MN1: variants seen among roughly 807,000 people sequenced by gnomAD.
MN1 encodes the protein MN1 proto-oncogene, transcriptional regulator, also known as transcriptional activator MN1.
MN1 carries 19 observed loss-of-function variants against 86.9 expected under a neutral mutation model. That is an observed-to-expected ratio of 0.22 (90% CI 0.15 to 0.32). The LOEUF (loss-of-function observed/expected upper bound fraction) is 0.32. MN1 is among the 10% of genes least tolerant of loss of function. MN1 has a pLI of 1.00. For synonymous variants in MN1, 928 were observed against 849.6 expected, an observed-to-expected ratio of 1.09 and a Z score of -1.60; for missense variants, 1,841 against 1,862.0, an observed-to-expected ratio of 0.99 and a Z score of 0.21.
chr22:27,799,291 C>T lies in MN1; in HGVS notation c.1253G>A (p.Ser418Asn). ...EYPIHRLENR[S>N]MHPYSEPVFS... ...AACAGGCTCGGAATAAGGGTGCATG[C>T]TCCGGTTCTCCAGCCGGTGGATGGG... Residue 418 changes from serine to asparagine, a missense_variant, in exon 1 of 2, where the codon AGC becomes AAC. Coordinates refer to ENST00000302326, the MANE Select transcript of MN1 (RefSeq NM_002430.3). The T allele has an allele frequency of 6.3e-7, 1 of 1,587,222 alleles. No individual in the cohort carries two copies. Among genetic ancestry groups the T allele is most frequent in the Non-Finnish European group, 8.6e-7 (1 of 1,167,106 alleles).
At chr22:27,796,732 G>A in intron 1 of MN1, 31 bp downstream of exon 1, 4 of 1,551,150 alleles carry the variant, frequency 2.6e-6, no homozygotes, top group South Asian at 1.2e-5. Flanking sequence ...GGGTCACCCG[G>A]GAAGTGAGAG....
At position 27,748,280 on chromosome 22, in the gene MN1, C is replaced by T. The variant is rs1932715331; in HGVS notation, c.*2635G>A. ...CCCACCCACAAATATACCACAGTCA[C>T]CATTAACGTCATATTTATTGTTATT... On this transcript the variant is annotated 3_prime_UTR_variant, in exon 2 of 2. Transcript: ENST00000302326. 2 of 171,192 alleles carry T rather than the reference C, an allele frequency of 1.2e-5. No homozygotes were observed. Among genetic ancestry groups the T allele is most frequent in the African/African-American group, 4.8e-5 (2 of 41,916 alleles). 10.6% of individuals were successfully genotyped at this position (171,192 alleles called of 1,614,324 possible).
chr22:27,777,922 A>G (rs927430747), intron 1 of MN1, among the ~76,000 whole-genome samples: 4 of 152,014 alleles, frequency 2.6e-5, no homozygotes, highest in Non-Finnish European at 4.4e-5. Flanking sequence ...TACAGGGTAC[A>G]TCATTTTTAT....
chr22:27,798,882 C>A lies in MN1; in HGVS notation c.1662G>T (p.Ala554=). Residue 554 remains alanine (A), a synonymous_variant, in exon 1 of 2, where the codon GCG becomes GCT. Coordinates refer to ENST00000302326, the MANE Select transcript of MN1 (RefSeq NM_002430.3). ...ACGCCATCTGCTTAATCATGAGGGC[C>A]GCGTTTTGGCGCTGCTGCTGCTGCT... ...QQQQQQQRQN[A]ALMIKQMASR... 1 of 1,548,978 alleles carries A rather than the reference C, an allele frequency of 6.5e-7. No homozygotes were observed. Among genetic ancestry groups the A allele is most frequent in the Non-Finnish European group, 8.7e-7 (1 of 1,148,256 alleles).
intron 1 of MN1, among the ~76,000 whole-genome samples, chr22:27,766,356 C>T (rs572451724): frequency 6.6e-6 from 1 of 152,242 alleles, no homozygotes; most frequent in South Asian, 2.1e-4. Context: ...GCCTGCAACG[C>T]CCAGTGTCAT....
Position 27,798,924 on chromosome 22 carries a change from T to TTGCTGCTGC in MN1, c.1611_1619dup (p.Gln548_Gln550dup), listed in dbSNP as rs750337114. The TTGCTGCTGC allele has an allele frequency of 1.3e-6, 2 of 1,519,862 alleles. No homozygotes were observed. Among genetic ancestry groups the TTGCTGCTGC allele is most frequent in the African/African-American group, 1.4e-5 (1 of 69,616 alleles). The allele number at this position is 1,519,862 out of a possible 1,614,324, so 94.1% of individuals were successfully genotyped here. ...GCTGCTGCTGCTGTTGCTGTTGCTGTTGCTGCTGCTGCTGCTGCTGTTGCT... is the reference window on the plus strand; with the variant it reads ...GCTGCTGCTGCTGTTGCTGTTGCTGTTGCTGCTGCTGCTGCTGCTGCTGCTGCTGTTGCT... On this transcript the variant is annotated inframe_insertion, in exon 1 of 2. Transcript: ENST00000302326.
chr22:27,796,697 C>A, intron 1 of MN1, 66 bp downstream of exon 1: 1 of 1,490,046 alleles, frequency 6.7e-7, no homozygotes, highest in Non-Finnish European at 9.0e-7. Context: ...AAGGCGAAGG[C>A]TAAGTCCTGC....
chr22:27,774,220 C>T lies in MN1; in HGVS notation c.3781+22543G>A, dbSNP rs1601331303. The stretch of plus-strand genomic sequence containing the variant: ...GCAGATCGCTTCCTCTATACTTCAC[C>T]GTCGTGAACGGGGATATTCCAGACA... On this transcript the variant is annotated intron_variant, in intron 1 of 1. Transcript: ENST00000302326. 2.0e-5 allele frequency among the ~76,000 whole-genome samples: 3 copies of T among 152,190 alleles called. No homozygotes were observed. In the South Asian group the frequency reaches 6.2e-4, roughly 32 times the overall value.
chr22:27,786,385 T>C (rs897776994), intron 1 of MN1, among the ~76,000 whole-genome samples: 27 of 152,180 alleles, frequency 1.8e-4, no homozygotes, highest in African/African-American at 6.3e-4. Context: ...ATGCATACTT[T>C]TTCTTCCTTC....
chr22:27,787,488 A>C (rs935325844), intron 1 of MN1, among the ~76,000 whole-genome samples: 6 of 152,170 alleles, frequency 3.9e-5, no homozygotes, highest in African/African-American at 1.2e-4. Context: ...AGTCAGGGAA[A>C]TCTTCCTCTT....
chr22:27,800,364 G>C lies in MN1; in HGVS notation c.180C>G (p.Ile60Met). 6.2e-7 allele frequency: 1 copy of C among 1,609,544 alleles called. No homozygotes were observed. Among genetic ancestry groups the C allele is most frequent in the Non-Finnish European group, 8.5e-7 (1 of 1,177,454 alleles). The change falls in exon 1 of 2, where the codon ATC becomes ATG. Residue 60 changes from isoleucine (I) to methionine (M), a missense_variant. By Grantham distance (10) the Ile-to-Met change is conservative. Coordinates refer to ENST00000302326, the MANE Select transcript of MN1 (RefSeq NM_002430.3). Reference protein sequence around the residue: ...PAMSALGEPPILGMNMEPYGF... With the variant: ...PAMSALGEPPMLGMNMEPYGF... ...CGTAGGGCTCCATGTTCATGCCCAA[G>C]ATCGGGGGTTCGCCCAGCGCGCTCA... is the stretch of plus-strand genomic sequence containing the variant.
chr22:27,773,689 C>G (rs372418271), intron 1 of MN1, among the ~76,000 whole-genome samples: 1 of 152,366 alleles, frequency 6.6e-6, no homozygotes, highest in Admixed American at 6.5e-5. Flanking sequence ...TAGAGTCTCG[C>G]TCTGTTGCCT....
At chr22:27,795,350 G>A (rs945613651) in intron 1 of MN1, among the ~76,000 whole-genome samples, 15 of 152,062 alleles carry the variant, frequency 9.9e-5, no homozygotes, top group African/African-American at 3.1e-4. Flanking sequence ...CCAACTCCCA[G>A]CCCACTCTCG....
At chr22:27,771,219 C>CTTT (rs11330963) in intron 1 of MN1, among the ~76,000 whole-genome samples, 1,451 of 86,630 alleles carry the variant, frequency 0.017, 128 homozygotes, top group South Asian at 0.05. Context: ...TTTTCCCTAA[C>CTTT]TTTTTTTTTT....
At chr22:27,780,949 G>C (rs1933046601) in intron 1 of MN1, among the ~76,000 whole-genome samples, 1 of 150,116 alleles carries the variant, frequency 6.7e-6, no homozygotes, top group South Asian at 2.1e-4. Context: ...TTTTTTCTTT[G>C]AGACAAGGTC....
At chr22:27,755,364 C>G (rs1932795463) in intron 1 of MN1, among the ~76,000 whole-genome samples, 1 of 152,186 alleles carries the variant, frequency 6.6e-6, no homozygotes, top group Non-Finnish European at 1.5e-5. Flanking sequence ...AACAGATAAC[C>G]CTGTGTGTGC....
At chr22:27,778,331 G>A (rs1332983537) in intron 1 of MN1, among the ~76,000 whole-genome samples, 1 of 152,132 alleles carries the variant, frequency 6.6e-6, no homozygotes, top group Non-Finnish European at 1.5e-5. Context: ...CAGCTGCCGC[G>A]GCCACTTTCT....
rs146813183 is a variant in MN1 at position 27,761,036 on chromosome 22, G to T, written c.3782-9940C>A. ...AGGGTCACACAGCCAGCCATCCGCA[G>T]AGCCAAGGTCACACCCAGAGACGTC... On this transcript the variant is annotated intron_variant, in intron 1 of 1. Coordinates refer to ENST00000302326, the MANE Select transcript of MN1 (RefSeq NM_002430.3). 9.2e-4 allele frequency among the ~76,000 whole-genome samples: 140 copies of T among 152,300 alleles called. 1 individual carries two copies. Among genetic ancestry groups the T allele is most frequent in the African/African-American group, 3.3e-3 (137 of 41,566 alleles).
In MN1 at chr22:27,800,547, T is replaced by C. The variant is rs766799237; in HGVS notation, c.-4A>G. ...CGAATTGGTCCAGCCCAAACATACT[T>C]GGCGGGGGGCAGAGGGGGATCAATA... is the stretch of plus-strand genomic sequence containing the variant. On this transcript the variant is annotated 5_prime_UTR_variant, in exon 1 of 2. Transcript: ENST00000302326. 4.3e-6 allele frequency: 7 copies of C among 1,613,804 alleles called. No individual in the cohort carries two copies. The East Asian group carries it at 1.6e-4, about 36-fold the overall frequency.
Sources: gnomAD v4.1 joint callset for allele counts (sites outside exome capture counted in the v4.1 genomes callset) on GRCh38, gnomAD v4.1.1 for gene constraint, MANE v1.5 for transcripts, NCBI Gene and HGNC (gene_info 2026-07-23, HGNC 2026-07-21) for gene names.